NEAT1: variants seen among roughly 807,000 people sequenced by gnomAD.
The protein encoded by NEAT1 is nuclear paraspeckle assembly transcript 1.
At chr11:65,423,091 C>T (rs540156541) in exon 1 of NEAT1, 2 of 152,622 alleles carry the variant, frequency 1.3e-5, no homozygotes, top group African/African-American at 4.8e-5. Context: ...GGGCGCCGCT[C>T]TTGCATAGCT....
At chr11:65,433,998 T>G (rs1414026275) in exon 1 of NEAT1, 1 of 152,184 alleles carries the variant, frequency 6.6e-6, no homozygotes, top group Non-Finnish European at 1.5e-5. Flanking sequence ...GAGTATATAT[T>G]TATATTTTAG....
exon 1 of NEAT1, chr11:65,430,578 T>C (rs1231311022): frequency 6.6e-6 from 1 of 152,200 alleles, no homozygotes; most frequent in East Asian, 1.9e-4. Flanking sequence ...CATGAATGAA[T>C]GATTGCATGA....
At chr11:65,444,414 A>G (rs770386791) in exon 1 of NEAT1, 3 of 470,414 alleles carry the variant, frequency 6.4e-6, no homozygotes, top group South Asian at 1.6e-5. Flanking sequence ...CTGGCCTGAC[A>G]TGTGTGTCCC....
At chr11:65,440,390 G>A (rs2134906357) in exon 1 of NEAT1, 1 of 151,184 alleles carries the variant, frequency 6.6e-6, no homozygotes, top group East Asian at 1.9e-4. Context: ...GAGCCCAGGA[G>A]TTCAAGGCTG....
exon 1 of NEAT1, chr11:65,424,106 A>C (rs2134885379): frequency 6.6e-6 from 1 of 152,404 alleles, no homozygotes; most frequent in African/African-American, 2.4e-5. Context: ...GCTTAGGAGG[A>C]GGAAGTTCTC....
chr11:65,427,485 T>A (rs922144304), exon 1 of NEAT1: 1 of 152,254 alleles, frequency 6.6e-6, no homozygotes, highest in African/African-American at 2.4e-5. Context: ...GTGTCTTATT[T>A]GCCTGTGCCG....
At chr11:65,434,482 G>A (rs955110202) in exon 1 of NEAT1, 1 of 152,144 alleles carries the variant, frequency 6.6e-6, no homozygotes, top group African/African-American at 2.4e-5. Context: ...TTAACAGTAG[G>A]GAGATGCCTG....
At chr11:65,445,185 C>T (rs1022226515) in exon 1 of NEAT1, 2 of 152,340 alleles carry the variant, frequency 1.3e-5, no homozygotes, top group Non-Finnish European at 2.9e-5. Context: ...CTCGTGAAGG[C>T]AGAGGGAGGG....
chr11:65,429,059 C>T (rs1160233793), exon 1 of NEAT1: 1 of 151,962 alleles, frequency 6.6e-6, no homozygotes, highest in African/African-American at 2.4e-5. Context: ...CAGGATGTTC[C>T]CTTGCATGGC....
exon 1 of NEAT1, chr11:65,428,429 AC>A (rs1165935270): frequency 6.6e-6 from 1 of 151,952 alleles, no homozygotes; most frequent in East Asian, 1.9e-4. Flanking sequence ...GATTCCAAGG[AC>A]CCTTAATGCC....
At chr11:65,442,986 ATT>A (rs1333518541) in exon 1 of NEAT1, 1 of 152,114 alleles carries the variant, frequency 6.6e-6, no homozygotes, top group Non-Finnish European at 1.5e-5. Flanking sequence ...GGCCTGTACG[ATT>A]TCTGCTTTTT....
At chr11:65,433,254 A>G (rs1856628788) in exon 1 of NEAT1, 2 of 152,114 alleles carry the variant, frequency 1.3e-5, no homozygotes, top group Admixed American at 6.6e-5. Flanking sequence ...CTCTGGATCT[A>G]TTTCTGGAAA....
At chr11:65,434,098 GA>G (rs1270963001) in exon 1 of NEAT1, 2 of 152,130 alleles carry the variant, frequency 1.3e-5, no homozygotes, top group Non-Finnish European at 2.9e-5. Flanking sequence ...TTGCCCAGGG[GA>G]TAGTTCATTT....
At chr11:65,436,673 A>T (rs1856660354) in exon 1 of NEAT1, 1 of 152,188 alleles carries the variant, frequency 6.6e-6, no homozygotes, top group Non-Finnish European at 1.5e-5. Flanking sequence ...CTAGGTAAGC[A>T]CCGCATATCT....
exon 1 of NEAT1, chr11:65,423,737 C>G (rs512715): frequency 0.65 from 99,024 of 152,008 alleles, 33,765 homozygotes; most frequent in Non-Finnish European, 0.75. Flanking sequence ...TAAAACATTA[C>G]CTGGTCATCT....
At chr11:65,443,813 TACTTCTGCTC>T (rs1856737485) in exon 1 of NEAT1, 1 of 152,720 alleles carries the variant, frequency 6.5e-6, no homozygotes, top group South Asian at 2.0e-4. Context: ...CCACTGTTTT[TACTTCTGCTC>T]ATTGGCTGAG....
chr11:65,445,358 G>A (rs1856756859), exon 1 of NEAT1: 2 of 151,666 alleles, frequency 1.3e-5, no homozygotes, highest in South Asian at 2.1e-4. Context: ...GAAGCTGGGG[G>A]ACAATGTCCC....
At chr11:65,439,320 C>T (rs1205741082) in exon 1 of NEAT1, 1 of 152,114 alleles carries the variant, frequency 6.6e-6, no homozygotes, top group East Asian at 1.9e-4. Flanking sequence ...TATTTTCTCC[C>T]ATTCTGTGGG....
At chr11:65,431,791 GTTTC>G (rs1357434817) in exon 1 of NEAT1, 5 of 152,138 alleles carry the variant, frequency 3.3e-5, no homozygotes, top group African/African-American at 7.2e-5. Context: ...ACTTGTAGGA[GTTTC>G]TTTCTATATT....
Sources: gnomAD v4.1 joint callset for allele counts on GRCh38, gnomAD v4.1.1 for gene constraint, MANE v1.5 for transcripts, NCBI Gene and HGNC (gene_info 2026-07-23, HGNC 2026-07-21) for gene names.